CPQ: variants seen among roughly 807,000 people sequenced by gnomAD.
CPQ encodes the protein carboxypeptidase Q.
A neutral mutation model predicts 45.7 loss-of-function variants in CPQ; 37 were observed. That is an observed-to-expected ratio of 0.81 (90% CI 0.62 to 1.07). The LOEUF (loss-of-function observed/expected upper bound fraction) is 1.07, where lower values mean the gene tolerates loss of function less well. CPQ is among the 50% of genes least tolerant of loss of function. CPQ has a pLI of 0.00. For missense variants in CPQ, 537 were observed against 572.9 expected (o/e 0.94, Z 0.64); for synonymous variants, 186 against 205.8 (o/e 0.90, Z 0.82).
intron 5 of CPQ, among the ~76,000 whole-genome samples, chr8:96,973,055 T>C (rs998364230): frequency 1.3e-5 from 2 of 151,854 alleles, no homozygotes; most frequent in African/African-American, 4.8e-5. Context: ...TTGCCAGAAA[T>C]AGAATTCAGA....
intron 7 of CPQ, among the ~76,000 whole-genome samples, chr8:97,099,352 A>T (rs1005930934): frequency 6.6e-6 from 1 of 151,522 alleles, no homozygotes; most frequent in African/African-American, 2.4e-5. Flanking sequence ...GCTGGTCTCG[A>T]ACTCCTGACC....
chr8:97,055,379 T>A (rs1810436388), intron 6 of CPQ: 1 of 152,262 alleles, frequency 6.6e-6, no homozygotes, highest in Non-Finnish European at 1.5e-5. Flanking sequence ...GAGATGGTTT[T>A]GTGGCTAACT....
intron 2 of CPQ, among the ~76,000 whole-genome samples, chr8:96,818,844 C>A (rs1310187349): frequency 6.6e-6 from 1 of 152,114 alleles, no homozygotes; most frequent in South Asian, 2.1e-4. Flanking sequence ...ATTCAATCCT[C>A]ATCAAATCCT....
At chr8:96,770,252 C>A (rs1810523401) in intron 1 of CPQ, among the ~76,000 whole-genome samples, 2 of 152,098 alleles carry the variant, frequency 1.3e-5, no homozygotes. Flanking sequence ...TCCACACTTT[C>A]TCATCCAGAG....
At chr8:96,677,147 G>T (rs1352957364) in intron 1 of CPQ, among the ~76,000 whole-genome samples, 1 of 151,670 alleles carries the variant, frequency 6.6e-6, no homozygotes, top group Non-Finnish European at 1.5e-5. Context: ...ATATGCATGT[G>T]TCTTTTTCCT....
At chr8:97,102,460 T>G (rs1262728652) in intron 7 of CPQ, among the ~76,000 whole-genome samples, 1 of 152,136 alleles carries the variant, frequency 6.6e-6, no homozygotes, top group Non-Finnish European at 1.5e-5. Flanking sequence ...CAACAGGCAA[T>G]TGAAGGCGGC....
intron 4 of CPQ, among the ~76,000 whole-genome samples, chr8:96,954,871 G>C (rs2130344085): frequency 6.6e-6 from 1 of 152,156 alleles, no homozygotes; most frequent in Admixed American, 6.5e-5. Context: ...CCTTGTGATA[G>C]TTTGCTGAGA....
intron 4 of CPQ, among the ~76,000 whole-genome samples, chr8:96,921,946 G>A (rs945491179): frequency 3.9e-5 from 6 of 151,980 alleles, no homozygotes; most frequent in Non-Finnish European, 7.4e-5. Context: ...CTTTGATTTT[G>A]GATGTCTTCT....
At chr8:96,840,050 A>T (rs1017042583) in intron 3 of CPQ, among the ~76,000 whole-genome samples, 5 of 152,164 alleles carry the variant, frequency 3.3e-5, no homozygotes, top group Admixed American at 2.6e-4. Flanking sequence ...AGCAACCTGG[A>T]GAGCTAATGC....
intron 7 of CPQ, among the ~76,000 whole-genome samples, chr8:97,110,513 T>C (rs1471532584): frequency 6.6e-6 from 1 of 152,234 alleles, no homozygotes; most frequent in Non-Finnish European, 1.5e-5. Flanking sequence ...GTTAAATATA[T>C]GTTTAACTTT....
chr8:96,689,854 T>A lies in CPQ; in HGVS notation c.-35+44452T>A, dbSNP rs181355039. Reference sequence around the variant, plus strand: ...CCTTTTTTCTATAATCATTAAAAAATTTTACTTTTGCTATAATCCTTTTTA... The same window carrying A: ...CCTTTTTTCTATAATCATTAAAAAAATTTACTTTTGCTATAATCCTTTTTA... On this transcript the variant is annotated intron_variant, in intron 1 of 7. Coordinates refer to ENST00000220763, the MANE Select transcript of CPQ (RefSeq NM_016134.4). Among the ~76,000 whole-genome samples the A allele has an allele frequency of 2.3e-3, 357 of 152,244 alleles. 1 individual carries two copies. Among genetic ancestry groups the A allele is most frequent in the Middle Eastern group, 0.014 (4 of 294 alleles).
chr8:96,709,110 C>T (rs1208348943), intron 1 of CPQ, among the ~76,000 whole-genome samples: 1 of 151,962 alleles, frequency 6.6e-6, no homozygotes, highest in Non-Finnish European at 1.5e-5. Flanking sequence ...CTATATTTAA[C>T]TCATTTCCAT....
At chr8:96,729,451 TAAG>T (rs1416970280) in intron 1 of CPQ, among the ~76,000 whole-genome samples, 4 of 152,196 alleles carry the variant, frequency 2.6e-5, no homozygotes, top group African/African-American at 9.6e-5. Context: ...ATCTTCATTA[TAAG>T]AAGGACAGTA....
In CPQ at chr8:97,125,178, G is replaced by A. The variant is rs941501637; in HGVS notation, c.1256-17842G>A. 2.0e-5 allele frequency among the ~76,000 whole-genome samples: 3 copies of A among 151,988 alleles called. No homozygotes were observed. The East Asian group carries it at 5.8e-4, about 29-fold the overall frequency. ...GCATAAATTCCTTAAAAGACAAATT[G>A]CTAATACTGATTCAAGAAGAAATAA... On this transcript the variant is annotated intron_variant, in intron 7 of 7. Coordinates refer to ENST00000220763, the MANE Select transcript of CPQ (RefSeq NM_016134.4).
chr8:96,674,275 CCT>C (rs1398359788), intron 1 of CPQ, among the ~76,000 whole-genome samples: 1 of 152,190 alleles, frequency 6.6e-6, no homozygotes, highest in Non-Finnish European at 1.5e-5. Flanking sequence ...CTTTTTTCCC[CCT>C]GTCCTTAATG....
chr8:96,813,388 G>A (rs1373159711), intron 2 of CPQ, among the ~76,000 whole-genome samples: 2 of 152,150 alleles, frequency 1.3e-5, no homozygotes, highest in East Asian at 3.9e-4. Flanking sequence ...GTCTTTCTAA[G>A]GTACCTTTCC....
chr8:96,891,070 T>A, intron 4 of CPQ, among the ~76,000 whole-genome samples: 1 of 152,208 alleles, frequency 6.6e-6, no homozygotes, highest in East Asian at 1.9e-4. Context: ...TCCAGCTGCT[T>A]CAGGATGATG....
At chr8:96,785,573 C>T (rs1048456418) in intron 2 of CPQ, among the ~76,000 whole-genome samples, 2 of 152,012 alleles carry the variant, frequency 1.3e-5, no homozygotes, top group African/African-American at 2.4e-5. Flanking sequence ...TGATACTTAC[C>T]AGCCCTATCA....
chr8:96,832,708 C>G (rs1340011691), intron 2 of CPQ, among the ~76,000 whole-genome samples: 1 of 152,038 alleles, frequency 6.6e-6, no homozygotes, highest in Non-Finnish European at 1.5e-5. Context: ...TGCATAGGTA[C>G]TGGTCACATG....
Sources: allele counts gnomAD v4.1 joint callset (sites outside exome capture counted in the v4.1 genomes callset), GRCh38; gene constraint gnomAD v4.1.1; transcripts MANE v1.5; gene names NCBI Gene and HGNC (gene_info 2026-07-23, HGNC 2026-07-21).